The following RYR2 variants were observed in gnomAD, a reference collection of about 807,000 sequenced individuals.
The protein encoded by RYR2 is ryanodine receptor 2, also known as cardiac muscle ryanodine receptor-calcium release channel.
In RYR2, 227 loss-of-function variants were observed where a neutral mutation model predicts 601.1. That is an observed-to-expected ratio of 0.38 (90% CI 0.34 to 0.42). The LOEUF (loss-of-function observed/expected upper bound fraction) is 0.42, where lower values mean the gene tolerates loss of function less well. RYR2 is among the 10% of genes least tolerant of loss of function. The pLI, the probability that RYR2 is intolerant of heterozygous loss-of-function variation, is 1.00. For synonymous variants in RYR2, 2,223 were observed against 2,175.1 expected (o/e 1.02, Z -0.61); for missense variants, 4,646 against 6,156.5 (o/e 0.75, Z 8.21).
rs578088724 is a variant in RYR2 at position 237,609,456 on chromosome 1, G to A, written c.4684-1306G>A. Among the ~76,000 whole-genome samples the A allele has an allele frequency of 1.0e-4, 15 of 146,642 alleles. 1 individual carries two copies. The highest frequency in any genetic ancestry group is 2.9e-4 in the Admixed American group (4 of 13,986). Reference sequence around the variant, plus strand: ...ACGATCTCAGCTCACTGCAACCTCCGCCTCCCAGGTTCAAGCAATTCTCCC... The same window carrying A: ...ACGATCTCAGCTCACTGCAACCTCCACCTCCCAGGTTCAAGCAATTCTCCC... On this transcript the variant is annotated intron_variant, in intron 35 of 104. Coordinates refer to ENST00000366574, the MANE Select transcript of RYR2 (RefSeq NM_001035.3).
intron 29 of RYR2, among the ~76,000 whole-genome samples, chr1:237,579,869 A>C (rs1184650143): frequency 1.3e-5 from 2 of 152,198 alleles, no homozygotes; most frequent in African/African-American, 4.8e-5. Flanking sequence ...TACATAATTC[A>C]AACTTCAGTG....
At chr1:237,069,159 C>T (rs1197865989) in intron 1 of RYR2, among the ~76,000 whole-genome samples, 1 of 152,008 alleles carries the variant, frequency 6.6e-6, no homozygotes, top group Admixed American at 6.6e-5. Flanking sequence ...TTTTCTAGTC[C>T]AGGCCCTAGA....
At chr1:237,290,017 A>G (rs1296142632) in intron 2 of RYR2, among the ~76,000 whole-genome samples, 1 of 152,186 alleles carries the variant, frequency 6.6e-6, no homozygotes, top group Middle Eastern at 3.2e-3. Flanking sequence ...ACAATACAAC[A>G]TAGTGGCCTA....
chr1:237,243,755 G>T (rs1253028810), intron 1 of RYR2, among the ~76,000 whole-genome samples: 2 of 152,162 alleles, frequency 1.3e-5, no homozygotes, highest in Non-Finnish European at 2.9e-5. Context: ...CTTGAGGCCT[G>T]CTCCTGGGGC....
intron 10 of RYR2, among the ~76,000 whole-genome samples, chr1:237,397,529 G>A (rs1464430966): frequency 6.6e-6 from 1 of 152,138 alleles, no homozygotes; most frequent in African/African-American, 2.4e-5. Context: ...GCAGCTTACA[G>A]GTCATAAGTG....
At chr1:237,439,174 G>C (rs1455787169) in intron 12 of RYR2, among the ~76,000 whole-genome samples, 1 of 152,080 alleles carries the variant, frequency 6.6e-6, no homozygotes, top group African/African-American at 2.4e-5. Flanking sequence ...GTCATTCAAA[G>C]GATCTAGATT....
At chr1:237,265,169 GA>G (rs1688927551) in intron 1 of RYR2, among the ~76,000 whole-genome samples, 1 of 152,130 alleles carries the variant, frequency 6.6e-6, no homozygotes, top group South Asian at 2.1e-4. Context: ...AGATTTGAAA[GA>G]TGGGTAAGTA....
chr1:237,711,533 G>A (rs1688841394), intron 70 of RYR2, among the ~76,000 whole-genome samples: 2 of 152,104 alleles, frequency 1.3e-5, no homozygotes, highest in Admixed American at 1.3e-4. Flanking sequence ...TCCCATCTTT[G>A]CAATGTGCAT....
At chr1:237,535,530 C>G (rs1367407184) in intron 25 of RYR2, among the ~76,000 whole-genome samples, 1 of 150,198 alleles carries the variant, frequency 6.7e-6, no homozygotes, top group African/African-American at 2.4e-5. Flanking sequence ...TCCCAAACAA[C>G]TTTTCTATTG....
At chr1:237,503,249 C>T in intron 21 of RYR2, 40 bp from the exon 22 acceptor site, 1 of 1,525,454 alleles carries the variant, frequency 6.6e-7, no homozygotes, top group East Asian at 2.4e-5. Context: ...CTTTAATGTA[C>T]ACCAGAGATA....
chr1:237,744,781 A>G lies in RYR2; in HGVS notation c.11145+2432A>G, dbSNP rs563739792. ...AATTTTAGACTGTCTTGAAGAAACT[A>G]TTTTAAAATTCCTTTGTAATTTTTT... On this transcript the variant is annotated intron_variant, in intron 80 of 104. Coordinates refer to ENST00000366574, the MANE Select transcript of RYR2 (RefSeq NM_001035.3). Among the ~76,000 whole-genome samples, 277 of 147,888 alleles carry G rather than the reference A, an allele frequency of 1.9e-3. 1 individual carries two copies. The highest frequency in any genetic ancestry group is 6.5e-3 in the African/African-American group (262 of 40,480).
At chr1:237,446,782 G>A (rs772219128) in intron 14 of RYR2, among the ~76,000 whole-genome samples, 11 of 152,086 alleles carry the variant, frequency 7.2e-5, no homozygotes, top group Non-Finnish European at 1.5e-4. Flanking sequence ...AGCTTAAATC[G>A]AATGGGGTAT....
Position 237,238,047 on chromosome 1 carries a change from G to A in RYR2, c.49-32450G>A, listed in dbSNP as rs532052562. Among the ~76,000 whole-genome samples, 109 of 146,054 alleles carry A rather than the reference G, an allele frequency of 7.5e-4. 2 individuals are homozygous for A. The South Asian group carries it at 0.02, about 27-fold the overall frequency. ...GCGCATCATGGCTTATTGCAGCCTCGACCTCCAGATGATCCTCCCATCTCA... is the reference window on the plus strand; with the variant it reads ...GCGCATCATGGCTTATTGCAGCCTCAACCTCCAGATGATCCTCCCATCTCA... On this transcript the variant is annotated intron_variant, in intron 1 of 104. Coordinates refer to ENST00000366574, the MANE Select transcript of RYR2 (RefSeq NM_001035.3).
At chr1:237,153,860 CAGGGTTTTTGTTTTGT>C (rs1675009512) in intron 1 of RYR2, among the ~76,000 whole-genome samples, 1 of 152,100 alleles carries the variant, frequency 6.6e-6, no homozygotes, top group South Asian at 2.1e-4. Context: ...ACTAGGCAAA[CAGGGTTTTTGTTTTGT>C]TTTTTATTCT....
intron 42 of RYR2, 124 bp downstream of exon 42, chr1:237,631,665 G>A (rs111663084): frequency 4.4e-6 from 2 of 455,806 alleles, no homozygotes; most frequent in Non-Finnish European, 6.8e-6. Flanking sequence ...GGCTCACTCT[G>A]TCGCCCAGGC....
Position 237,498,539 on chromosome 1 carries a change from C to A in RYR2, c.2203+1787C>A, listed in dbSNP as rs1259420259. Among the ~76,000 whole-genome samples the A allele has an allele frequency of 2.6e-5, 4 of 151,578 alleles. No individual in the cohort carries two copies. In the East Asian group the frequency reaches 7.7e-4, roughly 29 times the overall value. On this transcript the variant is annotated intron_variant, in intron 20 of 104. Coordinates refer to ENST00000366574, the MANE Select transcript of RYR2 (RefSeq NM_001035.3). ...AGTACTCAAATGAATAAATGAAGCA[C>A]GTGGACTTGTTTTCCCATTACACAG...
At chr1:237,637,363 A>C (rs1680979955) in intron 44 of RYR2, among the ~76,000 whole-genome samples, 1 of 152,204 alleles carries the variant, frequency 6.6e-6, no homozygotes, top group South Asian at 2.1e-4. Context: ...TTCTTGTGAA[A>C]TATTGTAGAG....
intron 7 of RYR2, 66 bp downstream of exon 7, chr1:237,374,861 G>A: frequency 1.6e-6 from 2 of 1,239,774 alleles, no homozygotes; most frequent in South Asian, 1.3e-5. Context: ...ATTGGAAGAA[G>A]CCGGGAAATA....
rs1064794172 is a variant in RYR2, at chr1:237,569,199, G to A, written c.3478G>A (p.Asp1160Asn). The A allele has an allele frequency of 1.9e-6, 3 of 1,613,822 alleles. No individual in the cohort carries two copies. The highest frequency in any genetic ancestry group is 2.2e-5 in the South Asian group (2 of 91,072). Residue 1160 changes from aspartate (D) to asparagine (N), a missense_variant, in exon 29 of 105, where the codon GAT (aspartate) becomes AAT (asparagine). Around this residue, in one of 17 missense-constraint regions of RYR2, gnomAD observed 1,807 missense variants for 2,088.1 expected, o/e 0.87. Transcript: ENST00000366574. Reference protein sequence around the residue: ...EHYGRSWQAGDVVGCMVDMNE... With the variant: ...EHYGRSWQAGNVVGCMVDMNE... ...CTATGGGCGCTCTTGGCAAGCAGGC[G>A]ATGTCGTGGGGTGTATGGTTGACAT...
Sources: gnomAD v4.1 joint callset for allele counts (sites outside exome capture counted in the v4.1 genomes callset) on GRCh38, gnomAD v4.1.1 for gene constraint, gnomAD v4.1.1 regional missense constraint, MANE v1.5 for transcripts, NCBI Gene and HGNC (gene_info 2026-07-23, HGNC 2026-07-21) for gene names.